Variants in ERC2 observed in about 807,000 individuals in gnomAD.
The protein encoded by ERC2 is ELKS/RAB6-interacting/CAST family member 2, also known as ERC protein 2.
In ERC2, 42 loss-of-function variants were observed where a neutral mutation model predicts 114.8. The observed-to-expected ratio is 0.37, with a 90% CI of 0.29 to 0.47. The LOEUF (loss-of-function observed/expected upper bound fraction) is 0.47. Ranked by LOEUF, ERC2 falls within the 20% of genes least tolerant of loss-of-function variation. The pLI is 0.99. For synonymous variants in ERC2, 454 were observed against 425.5 expected, an observed-to-expected ratio of 1.07 and a Z score of -0.82; for missense variants, 939 against 1,150.7, an observed-to-expected ratio of 0.82 and a Z score of 2.66.
chr3:56,353,026 C>A (rs1175498341), intron 2 of ERC2, among the ~76,000 whole-genome samples: 2 of 152,114 alleles, frequency 1.3e-5, no homozygotes, highest in African/African-American at 2.4e-5. Flanking sequence ...AGTCACAGAG[C>A]CTGCCTCAGG....
At chr3:55,525,718 A>G (rs1483824931) in intron 17 of ERC2, among the ~76,000 whole-genome samples, 2 of 152,174 alleles carry the variant, frequency 1.3e-5, no homozygotes, top group Non-Finnish European at 2.9e-5. Context: ...GTGGGACTTT[A>G]TGGCTACATT....
intron 3 of ERC2, among the ~76,000 whole-genome samples, chr3:56,277,602 C>T (rs1018129032): frequency 6.6e-6 from 1 of 152,108 alleles, no homozygotes; most frequent in African/African-American, 2.4e-5. Flanking sequence ...TCTATTCCCA[C>T]TGTCATCACC....
At chr3:55,906,043 A>T (rs1430696003) in intron 13 of ERC2, among the ~76,000 whole-genome samples, 1 of 152,048 alleles carries the variant, frequency 6.6e-6, no homozygotes, top group African/African-American at 2.4e-5. Flanking sequence ...TTTTTGCTCC[A>T]TGTCTAACTT....
chr3:55,922,843 G>T (rs1282730720), intron 13 of ERC2, among the ~76,000 whole-genome samples: 1 of 152,174 alleles, frequency 6.6e-6, no homozygotes, highest in Non-Finnish European at 1.5e-5. Context: ...AGATATTGGG[G>T]AGATGCAAAT....
intron 17 of ERC2, among the ~76,000 whole-genome samples, chr3:55,581,096 C>T (rs2057238638): frequency 6.6e-6 from 1 of 152,144 alleles, no homozygotes; most frequent in African/African-American, 2.4e-5. Flanking sequence ...GCTCCTCTAA[C>T]TAGGGGGCAG....
At chr3:55,995,062 C>T (rs923576468) in intron 10 of ERC2, among the ~76,000 whole-genome samples, 17 of 152,124 alleles carry the variant, frequency 1.1e-4, no homozygotes, top group Non-Finnish European at 2.1e-4. Context: ...CGGCCGGGTG[C>T]GGTGGCTCAC....
intron 2 of ERC2, among the ~76,000 whole-genome samples, chr3:56,307,799 A>G (rs145648507): frequency 2.5e-4 from 38 of 150,706 alleles, no homozygotes; most frequent in African/African-American, 9.0e-4. Flanking sequence ...CATGTATCAT[A>G]TAATCATGTA....
intron 3 of ERC2, among the ~76,000 whole-genome samples, chr3:56,242,306 G>C (rs2051377148): frequency 6.6e-6 from 1 of 151,984 alleles, no homozygotes; most frequent in East Asian, 1.9e-4. Context: ...TGGACTTTGG[G>C]GACTTGGGGA....
chr3:56,306,686 CT>C lies in ERC2; in HGVS notation c.658-10252del, dbSNP rs536935160. ...ATATACCATAATTTACATACGTGTT[CT>C]TTTGTACCTATCCAACAGCATAGAA... On this transcript the variant is annotated intron_variant, in intron 2 of 17. Coordinates refer to ENST00000288221, the MANE Select transcript of ERC2 (RefSeq NM_015576.3). 9.9e-5 allele frequency among the ~76,000 whole-genome samples: 15 copies of C among 152,214 alleles called. No individual in the cohort carries two copies. In the South Asian group the frequency reaches 3.1e-3, roughly 32 times the overall value.
intron 13 of ERC2, among the ~76,000 whole-genome samples, chr3:55,894,579 C>A (rs2063755224): frequency 6.6e-6 from 1 of 152,130 alleles, no homozygotes; most frequent in Non-Finnish European, 1.5e-5. Flanking sequence ...AAACTTCATC[C>A]CCCTTCTTCC....
intron 6 of ERC2, among the ~76,000 whole-genome samples, chr3:56,108,776 G>C (rs1471186575): frequency 6.6e-6 from 1 of 152,016 alleles, no homozygotes; most frequent in East Asian, 1.9e-4. Context: ...AAGCAATTCT[G>C]GATTGAAAGG....
chr3:55,610,571 C>CTTTGTGTA (rs1198236733), intron 17 of ERC2: 1 of 151,304 alleles, frequency 6.6e-6, no homozygotes, highest in Non-Finnish European at 1.5e-5. Context: ...CATGGTGGCA[C>CTTTGTGTA]GAACCTGTAG....
intron 17 of ERC2, among the ~76,000 whole-genome samples, chr3:55,597,823 T>G (rs2058219863): frequency 6.6e-6 from 1 of 152,218 alleles, no homozygotes; most frequent in Admixed American, 6.5e-5. Context: ...ATATAGACCT[T>G]GCCCCTAGAA....
chr3:56,381,022 C>T (rs1420309406), intron 2 of ERC2, among the ~76,000 whole-genome samples: 1 of 152,144 alleles, frequency 6.6e-6, no homozygotes, highest in Non-Finnish European at 1.5e-5. Context: ...ATCCATCAGT[C>T]TCCAAGGCTG....
intron 17 of ERC2, among the ~76,000 whole-genome samples, chr3:55,651,935 C>T (rs1575947580): frequency 6.6e-6 from 1 of 152,328 alleles, no homozygotes; most frequent in Non-Finnish European, 1.5e-5. Context: ...TTTACCCAGC[C>T]TTGTAGATTA....
At chr3:55,777,371 G>A (rs2068706295) in intron 14 of ERC2, among the ~76,000 whole-genome samples, 1 of 152,140 alleles carries the variant, frequency 6.6e-6, no homozygotes, top group South Asian at 2.1e-4. Flanking sequence ...TCTACAGAAG[G>A]GCTAAAGATG....
In ERC2 at chr3:55,899,117, A is replaced by G. The variant is rs369086471; in HGVS notation, c.2404-10568T>C. 2.4e-3 allele frequency among the ~76,000 whole-genome samples: 370 copies of G among 152,350 alleles called. 2 individuals are homozygous for G. The highest frequency in any genetic ancestry group is 4.1e-3 in the Non-Finnish European group (279 of 68,034). ...ACTGCATTAGAAAGAACAATATGAG[A>G]ACATACCATTTTCACAACTTTGTTG... On this transcript the variant is annotated intron_variant, in intron 13 of 17. Coordinates refer to ENST00000288221, the MANE Select transcript of ERC2 (RefSeq NM_015576.3).
At chr3:56,364,659 T>G (rs1057053435) in intron 2 of ERC2, among the ~76,000 whole-genome samples, 1 of 152,200 alleles carries the variant, frequency 6.6e-6, no homozygotes, top group Non-Finnish European at 1.5e-5. Flanking sequence ...TCCCAAATTT[T>G]TATTAGAACT....
At chr3:56,000,959 A>G (rs910306997) in intron 10 of ERC2, among the ~76,000 whole-genome samples, 1 of 152,020 alleles carries the variant, frequency 6.6e-6, no homozygotes, top group Non-Finnish European at 1.5e-5. Flanking sequence ...AATAGAGTAG[A>G]ATAGTATACA....
Sources: gnomAD v4.1 joint callset for allele counts (sites outside exome capture counted in the v4.1 genomes callset) on GRCh38, gnomAD v4.1.1 for gene constraint, MANE v1.5 for transcripts, NCBI Gene and HGNC (gene_info 2026-07-23, HGNC 2026-07-21) for gene names.